Variants in SSH2 observed in about 807,000 individuals in gnomAD.
SSH2 encodes the protein protein phosphatase Slingshot homolog 2.
A neutral mutation model predicts 135.2 loss-of-function variants in SSH2; 37 were observed. The ratio of observed to expected loss-of-function variants is 0.27; its 90% CI spans 0.21 to 0.36. The LOEUF is 0.36. Ranked by LOEUF, SSH2 falls within the 10% of genes least tolerant of loss-of-function variation. The pLI is 1.00. For synonymous variants in SSH2, 628 were observed against 646.2 expected, an observed-to-expected ratio of 0.97 and a Z score of 0.43; for missense variants, 1,408 against 1,765.3, an observed-to-expected ratio of 0.80 and a Z score of 3.63.
chr17:29,742,285 CA>C (rs369177419), intron 3 of SSH2, among the ~76,000 whole-genome samples: 188 of 142,570 alleles, frequency 1.3e-3, no homozygotes, highest in African/African-American at 4.2e-3. Context: ...ACCAAACAAA[CA>C]AAAAAAAAAT....
chr17:29,630,706 AACC>A lies in SSH2; in HGVS notation c.*132_*134del. 1.1e-6 allele frequency: 1 copy of A among 909,656 alleles called. No homozygotes were observed. The highest frequency in any genetic ancestry group is 1.7e-6 in the Non-Finnish European group (1 of 605,722). 56.3% of individuals were successfully genotyped at this position (909,656 alleles called of 1,614,324 possible). On this transcript the variant is annotated 3_prime_UTR_variant, in exon 16 of 16. Transcript: ENST00000540801. The stretch of plus-strand genomic sequence containing the variant: ...ACACATACACACTGAAAAACACCCA[AACC>A]CTGCATGCACCAGAAACAGTAAAAT...
rs955286985 is a variant in SSH2 at position 29,627,019 on chromosome 17, G to C, written c.*3822C>G. 1.3e-5 allele frequency: 2 copies of C among 152,302 alleles called. No homozygotes were observed. Among genetic ancestry groups the C allele is most frequent in the African/African-American group, 4.8e-5 (2 of 41,432 alleles). The allele number at this position is 152,302 out of a possible 1,614,324, so 9.4% of individuals were successfully genotyped here. A position where few individuals can be genotyped will look rare whatever the true frequency, so the allele number is the denominator to read the frequency against. On this transcript the variant is annotated 3_prime_UTR_variant, in exon 16 of 16. Coordinates refer to ENST00000540801, the MANE Select transcript of SSH2 (RefSeq NM_001282129.2). ...TATTTCCATAGAGAGTGCTGGATGG[G>C]AGGGCAGGACACAGACGGAAGTCAG...
intron 12 of SSH2, among the ~76,000 whole-genome samples, chr17:29,655,249 G>A (rs750729270): frequency 1.3e-5 from 2 of 151,868 alleles, no homozygotes; most frequent in African/African-American, 2.4e-5. Flanking sequence ...GACTACAGGC[G>A]CCCGCCACCA....
intron 3 of SSH2, among the ~76,000 whole-genome samples, chr17:29,719,065 T>C (rs887432743): frequency 6.6e-6 from 1 of 152,044 alleles, no homozygotes; most frequent in African/African-American, 2.4e-5. Context: ...AGGATAGCAA[T>C]ACTGGGCGGC....
intron 3 of SSH2, among the ~76,000 whole-genome samples, chr17:29,748,166 A>G (rs891630007): frequency 1.3e-5 from 2 of 152,214 alleles, no homozygotes; most frequent in African/African-American, 4.8e-5. Context: ...AGAAAGCCAA[A>G]GTTGAGAGCT....
At chr17:29,810,959 T>C (rs1341934857) in intron 2 of SSH2, among the ~76,000 whole-genome samples, 1 of 152,144 alleles carries the variant, frequency 6.6e-6, no homozygotes, top group East Asian at 1.9e-4. Flanking sequence ...TCATCGGCTA[T>C]CATTAGTGTA....
chr17:29,747,619 A>C (rs2040805261), intron 3 of SSH2, among the ~76,000 whole-genome samples: 1 of 152,246 alleles, frequency 6.6e-6, no homozygotes, highest in African/African-American at 2.4e-5. Flanking sequence ...TTAGTTATAC[A>C]GCAACCATCC....
At chr17:29,913,355 TA>T (rs1567650081) in intron 1 of SSH2, among the ~76,000 whole-genome samples, 25 of 41,690 alleles carry the variant, frequency 6.0e-4, no homozygotes, top group African/African-American at 1.4e-3. Flanking sequence ...AAAATATATA[TA>T]TATATATATA....
chr17:29,742,505 T>TC (rs2040600511), intron 3 of SSH2, among the ~76,000 whole-genome samples: 2 of 146,330 alleles, frequency 1.4e-5, no homozygotes, highest in Admixed American at 6.8e-5. Flanking sequence ...TTTTTTCTTT[T>TC]CAATTTTTTG....
intron 1 of SSH2, among the ~76,000 whole-genome samples, chr17:29,861,275 C>T (rs966798866): frequency 3.9e-5 from 6 of 152,086 alleles, no homozygotes; most frequent in African/African-American, 1.4e-4. Context: ...TTGCTTTTGG[C>T]ATCTGTGTCA....
intron 2 of SSH2, among the ~76,000 whole-genome samples, chr17:29,828,466 A>G (rs1187651661): frequency 6.6e-6 from 1 of 152,220 alleles, no homozygotes; most frequent in Non-Finnish European, 1.5e-5. Context: ...ATGGATCAAA[A>G]GCAGAAATGT....
rs751092465 is a variant in SSH2 at position 29,631,391 on chromosome 17, C to A, written c.3803G>T (p.Arg1268Leu). The part of the protein sequence containing the change: ...VKERAKEIES[R>L]VVFQAGLTKP... Reference sequence around the variant, plus strand: ...GGTGAGCCCTGCCTGGAAAACCACTCGAGACTCGATTTCTTTAGCACGCTC... The same window carrying A: ...GGTGAGCCCTGCCTGGAAAACCACTAGAGACTCGATTTCTTTAGCACGCTC... The change falls in exon 16 of 16, where the codon CGA becomes CTA. Residue 1268 changes from arginine (R) to leucine (L), a missense_variant. Coordinates refer to ENST00000540801, the MANE Select transcript of SSH2 (RefSeq NM_001282129.2). 1.2e-6 allele frequency: 2 copies of A among 1,614,068 alleles called. No individual in the cohort carries two copies. The highest frequency in any genetic ancestry group is 2.2e-5 in the East Asian group (1 of 44,888).
chr17:29,736,670 C>T (rs2040375380), intron 3 of SSH2, among the ~76,000 whole-genome samples: 1 of 149,980 alleles, frequency 6.7e-6, no homozygotes, highest in Non-Finnish European at 1.5e-5. Flanking sequence ...GCCTACAGTC[C>T]CAGCTACTCA....
chr17:29,892,396 T>G (rs1163452401), intron 1 of SSH2, among the ~76,000 whole-genome samples: 1 of 152,114 alleles, frequency 6.6e-6, no homozygotes, highest in Non-Finnish European at 1.5e-5. Flanking sequence ...TTACTCTTAA[T>G]TCCTGAAAAG....
chr17:29,927,628 G>A (rs1382842366), intron 1 of SSH2, among the ~76,000 whole-genome samples: 1 of 152,178 alleles, frequency 6.6e-6, no homozygotes, highest in Non-Finnish European at 1.5e-5. Flanking sequence ...AGATAGAACA[G>A]CAAAATATAT....
intron 3 of SSH2, among the ~76,000 whole-genome samples, chr17:29,760,149 G>A (rs1481808150): frequency 6.6e-6 from 1 of 152,176 alleles, no homozygotes; most frequent in Non-Finnish European, 1.5e-5. Context: ...AATTAGTTGT[G>A]AGATTATCTA....
intron 14 of SSH2, chr17:29,647,918 C>T (rs140551003): frequency 3.0e-4 from 145 of 480,458 alleles, no homozygotes; most frequent in African/African-American, 2.5e-3. Flanking sequence ...TTGCCTCAGC[C>T]TCCCAAAGTG....
intron 2 of SSH2, among the ~76,000 whole-genome samples, chr17:29,802,170 C>G (rs1338981721): frequency 1.3e-5 from 2 of 152,102 alleles, no homozygotes; most frequent in Non-Finnish European, 2.9e-5. Context: ...CCCATCTGCT[C>G]TCAATTATAT....
intron 2 of SSH2, among the ~76,000 whole-genome samples, chr17:29,820,602 T>C (rs190321575): frequency 6.6e-5 from 10 of 152,338 alleles, no homozygotes; most frequent in Non-Finnish European, 1.3e-4. Flanking sequence ...TCTAAACTCT[T>C]ATGCTATCTA....
Sources: allele counts gnomAD v4.1 joint callset (sites outside exome capture counted in the v4.1 genomes callset), GRCh38; gene constraint gnomAD v4.1.1; transcripts MANE v1.5; gene names NCBI Gene and HGNC (gene_info 2026-07-23, HGNC 2026-07-21).